DHX32: variants seen among roughly 807,000 people sequenced by gnomAD.
The protein encoded by DHX32 is DEAH-box helicase 32 (putative).
Under a neutral mutation model 70.0 loss-of-function variants are expected in DHX32, and 51 were observed. The observed-to-expected ratio is 0.73, with a 90% CI of 0.58 to 0.92. The LOEUF is 0.92. Ranked by LOEUF, DHX32 falls within the 40% of genes least tolerant of loss-of-function variation. DHX32 has a pLI of 0.00. For synonymous variants in DHX32, 310 were observed against 315.3 expected, an observed-to-expected ratio of 0.98 and a Z score of 0.18; for missense variants, 762 against 891.8, an observed-to-expected ratio of 0.85 and a Z score of 1.85.
At position 125,880,558 on chromosome 10, in the gene DHX32, A is replaced by C; in HGVS notation, c.267T>G (p.Cys89Trp). 6.2e-7 allele frequency: 1 copy of C among 1,605,872 alleles called. No individual in the cohort carries two copies. Among genetic ancestry groups the C allele is most frequent in the Non-Finnish European group, 8.5e-7 (1 of 1,174,690 alleles). The change falls in exon 1 of 11, where the codon TGT becomes TGG. Residue 89 changes from cysteine to tryptophan, a missense_variant. Around this residue, in one of 3 missense-constraint regions of DHX32, gnomAD observed 394 missense variants for 473.1 expected, o/e 0.83. Coordinates refer to ENST00000284690, the MANE Select transcript of DHX32 (RefSeq NM_018180.3). The stretch of plus-strand genomic sequence containing the variant: ...GGTTACTCACCTGAGCGCTCTTACC[A>C]CATTTAGCATCTCCTGAAACAATCA... ...QIVIVSGDAK[C>W]GKSAQVPQWC... is the part of the protein sequence containing the mutation.
chr10:125,849,345 T>G (rs1944061892), intron 6 of DHX32, among the ~76,000 whole-genome samples: 1 of 152,220 alleles, frequency 6.6e-6, no homozygotes, highest in South Asian at 2.1e-4. Flanking sequence ...CCAAAAGTAC[T>G]TCCATTCTGG....
At chr10:125,837,202 G>C (rs1430564146) in intron 10 of DHX32, among the ~76,000 whole-genome samples, 1 of 152,184 alleles carries the variant, frequency 6.6e-6, no homozygotes, top group Non-Finnish European at 1.5e-5. Context: ...GTAGGGGAGA[G>C]AGGGGGTATC....
chr10:125,848,423 A>G (rs2134038269), intron 6 of DHX32, among the ~76,000 whole-genome samples: 1 of 152,350 alleles, frequency 6.6e-6, no homozygotes, highest in South Asian at 2.1e-4. Context: ...ACTCTACCCT[A>G]ATTTTACAGA....
At chr10:125,862,644 CAGCAAG>C (rs1227171673) in intron 2 of DHX32, among the ~76,000 whole-genome samples, 1 of 152,058 alleles carries the variant, frequency 6.6e-6, no homozygotes, top group African/African-American at 2.4e-5. Context: ...CAGACTCATC[CAGCAAG>C]GCCTAGCCTT....
At position 125,859,592 on chromosome 10, in the gene DHX32, CACTT is replaced by C; in HGVS notation, c.849+7_849+10del. On this transcript the variant is annotated splice_region_variant and intron_variant, in intron 3 of 10. Transcript: ENST00000284690. ...CCTTATTACTGTAAGGTTAGAGTAT[CACTT>C]ACTTACTTGTTCACAGGCCAGAAAG... The C allele has an allele frequency of 4.1e-5, 64 of 1,553,118 alleles. No homozygotes were observed. The highest frequency in any genetic ancestry group is 1.8e-4 in the East Asian group (8 of 44,458).
At chr10:125,865,456 C>G (rs990314448) in intron 2 of DHX32, among the ~76,000 whole-genome samples, 2 of 152,164 alleles carry the variant, frequency 1.3e-5, no homozygotes, top group African/African-American at 2.4e-5. Context: ...TTGACACTAG[C>G]CTGAAGACTG....
At chr10:125,890,119 T>G (rs535396160) in intron 1 of DHX32, among the ~76,000 whole-genome samples, 1 of 152,430 alleles carries the variant, frequency 6.6e-6, no homozygotes, top group East Asian at 1.9e-4. Flanking sequence ...GAAGAAATAC[T>G]TGACACTAAT....
At chr10:125,842,354 C>T (rs562731569) in intron 6 of DHX32, 5 of 165,200 alleles carry the variant, frequency 3.0e-5, no homozygotes, top group South Asian at 3.5e-4. Context: ...TACTGATCAG[C>T]GCATGTGTGT....
In DHX32 at chr10:125,851,776, A is replaced by G. The variant is rs551759689; in HGVS notation, c.1351+517T>C. 3.3e-5 allele frequency among the ~76,000 whole-genome samples: 5 copies of G among 152,100 alleles called. No homozygotes were observed. The South Asian group carries it at 6.2e-4, about 19-fold the overall frequency. ...ACATCTACAAAGGAAATCTACATTAATAAGTGTGGTGGCTTGCACCTGTGG... is the reference window on the plus strand; with the variant it reads ...ACATCTACAAAGGAAATCTACATTAGTAAGTGTGGTGGCTTGCACCTGTGG... On this transcript the variant is annotated intron_variant, in intron 6 of 10. Transcript: ENST00000284690.
intron 3 of DHX32, among the ~76,000 whole-genome samples, 191 bp downstream of exon 3, chr10:125,859,412 T>C (rs1350260179): frequency 6.6e-6 from 1 of 152,228 alleles, no homozygotes; most frequent in African/African-American, 2.4e-5. Flanking sequence ...CACCCATATT[T>C]TGTTTTCAGA....
At chr10:125,885,530 C>A (rs933653595), upstream of DHX32, among the ~76,000 whole-genome samples, 3 of 152,026 alleles carry the variant, frequency 2.0e-5, no homozygotes, top group African/African-American at 7.2e-5. Flanking sequence ...GAAGGGGCCA[C>A]GGCCGAAGAA....
In DHX32 at chr10:125,841,937, A is replaced by G; in HGVS notation, c.1352-3T>C. The G allele has an allele frequency of 6.3e-7, 1 of 1,581,024 alleles. No individual in the cohort carries two copies. On this transcript the variant is annotated splice_region_variant and splice_polypyrimidine_tract_variant and intron_variant, in intron 6 of 10. Coordinates refer to ENST00000284690, the MANE Select transcript of DHX32 (RefSeq NM_018180.3). Reference sequence around the variant, plus strand: ...TGCCTGCATCAAACTTTCTGGTGCTAGGAAAGGAAAAAAATAATAATTTAA... The same window carrying G: ...TGCCTGCATCAAACTTTCTGGTGCTGGGAAAGGAAAAAAATAATAATTTAA...
At position 125,838,193 on chromosome 10, in the gene DHX32, C is replaced by A; in HGVS notation, c.2063+13G>T. On this transcript the variant is annotated intron_variant, in intron 10 of 10. Coordinates refer to ENST00000284690, the MANE Select transcript of DHX32 (RefSeq NM_018180.3). ...AAAAAAAAATACAACCCTTTCTTCT[C>A]CATTAAACTTACAGTTCAGGAGAGA... 6.4e-7 allele frequency: 1 copy of A among 1,567,362 alleles called. No homozygotes were observed. Among genetic ancestry groups the A allele is most frequent in the Non-Finnish European group, 8.6e-7 (1 of 1,163,944 alleles).
intron 1 of DHX32, among the ~76,000 whole-genome samples, chr10:125,878,049 A>G (rs1944294514): frequency 6.6e-6 from 1 of 152,224 alleles, no homozygotes; most frequent in Non-Finnish European, 1.5e-5. Flanking sequence ...AAAACTTAAG[A>G]GTAAAATATG....
intron 1 of DHX32, among the ~76,000 whole-genome samples, chr10:125,870,249 C>G (rs1944247973): frequency 6.6e-6 from 1 of 152,004 alleles, no homozygotes; most frequent in Non-Finnish European, 1.5e-5. Context: ...AGGCAGGAGG[C>G]TAAGGGAGAG....
Position 125,852,410 on chromosome 10 carries a change from C to A in DHX32, c.1234G>T (p.Asp412Tyr). 1 of 1,614,166 alleles carries A rather than the reference C, an allele frequency of 6.2e-7. No homozygotes were observed. The highest frequency in any genetic ancestry group is 8.5e-7 in the Non-Finnish European group (1 of 1,180,030). Residue 412 changes from aspartate to tyrosine, a missense_variant, in exon 6 of 11, where the codon GAC becomes TAC. Transcript: ENST00000284690. Reference sequence around the variant, plus strand: ...TCTGCTGGCTTCAGTGGCGTCATGTCTTTGGAGGCAAATTCTTCAGTGTAC... The same window carrying A: ...TCTGCTGGCTTCAGTGGCGTCATGTATTTGGAGGCAAATTCTTCAGTGTAC... ...CLYTEEFASK[D>Y]MTPLKPAEMQ...
At chr10:125,884,128 C>T (rs1003938385), upstream of DHX32, among the ~76,000 whole-genome samples, 11 of 152,280 alleles carry the variant, frequency 7.2e-5, no homozygotes, top group South Asian at 2.1e-4. Context: ...CCTTTTGCTG[C>T]TATATGGTTT....
intron 6 of DHX32, among the ~76,000 whole-genome samples, chr10:125,846,920 G>A (rs1944029151): frequency 6.6e-6 from 1 of 152,172 alleles, no homozygotes; most frequent in African/African-American, 2.4e-5. Context: ...TCATTAACTA[G>A]TACCCATCGC....
At chr10:125,887,482 T>C (rs1450033864) in intron 1 of DHX32, among the ~76,000 whole-genome samples, 1 of 152,214 alleles carries the variant, frequency 6.6e-6, no homozygotes, top group African/African-American at 2.4e-5. Flanking sequence ...TGATCTGCTA[T>C]GGTAAAAAAG....
Sources: gnomAD v4.1 joint callset for allele counts (sites outside exome capture counted in the v4.1 genomes callset) on GRCh38, gnomAD v4.1.1 for gene constraint, gnomAD v4.1.1 regional missense constraint, MANE v1.5 for transcripts, NCBI Gene and HGNC (gene_info 2026-07-23, HGNC 2026-07-21) for gene names.